The following UNKL variants were observed in gnomAD, a reference collection of about 807,000 sequenced individuals.
UNKL encodes the protein unk like zinc finger, also known as putative E3 ubiquitin-protein ligase UNKL.
In UNKL, 60 loss-of-function variants were observed where a neutral mutation model predicts 78.0. That is an observed-to-expected ratio of 0.77 (90% CI 0.63 to 0.95). The LOEUF (loss-of-function observed/expected upper bound fraction) is 0.95. UNKL is among the 40% of genes least tolerant of loss of function. The pLI is 0.00. For missense variants in UNKL, 1,159 were observed against 1,045.7 expected (o/e 1.11, Z -1.49); for synonymous variants, 608 against 474.8 (o/e 1.28, Z -3.65).
At position 1,405,866 on chromosome 16, in the gene UNKL, T is replaced by C. The variant is rs377324610; in HGVS notation, c.288-2522A>G. 4.5e-5 allele frequency: 20 copies of C among 445,542 alleles called. 3 individuals carry two copies. The highest frequency in any genetic ancestry group is 6.1e-5 in the African/African-American group (3 of 49,518). 27.6% of individuals were successfully genotyped at this position (445,542 alleles called of 1,614,324 possible). A position where few individuals can be genotyped will look rare whatever the true frequency, so the allele number is the denominator to read the frequency against. On this transcript the variant is annotated intron_variant, in intron 2 of 14. Coordinates refer to ENST00000389221, the MANE Select transcript of UNKL (RefSeq NM_001372107.1). ...CAGAGGATAGGAGGCAGCCAGATCCTGGAGTGCAAGAAGCTGCCCTTCCCT... is the reference window on the plus strand; with the variant it reads ...CAGAGGATAGGAGGCAGCCAGATCCCGGAGTGCAAGAAGCTGCCCTTCCCT...
chr16:1,381,407 G>A (rs775436007), intron 10 of UNKL, among the ~76,000 whole-genome samples: 2 of 152,154 alleles, frequency 1.3e-5, no homozygotes, highest in Non-Finnish European at 2.9e-5. Flanking sequence ...ATCACCTGAG[G>A]TCAGGAGTTT....
chr16:1,379,807 A>T (rs1302623596), intron 10 of UNKL: 16 of 690,116 alleles, frequency 2.3e-5, no homozygotes, highest in Non-Finnish European at 2.5e-5. Flanking sequence ...ACTCGGGCGC[A>T]CCCGGTCCCC....
chr16:1,386,552 CA>C (rs528186117), intron 9 of UNKL, among the ~76,000 whole-genome samples: 1 of 151,548 alleles, frequency 6.6e-6, no homozygotes, highest in African/African-American at 2.4e-5. Context: ...ACTCTGTTTC[CA>C]AAAAAAATGA....
At chr16:1,370,821 C>T (rs1048518480) in intron 11 of UNKL, among the ~76,000 whole-genome samples, 20 of 152,232 alleles carry the variant, frequency 1.3e-4, no homozygotes, top group African/African-American at 4.1e-4. Context: ...CACTGGCTCA[C>T]GCCTGTAATC....
At chr16:1,376,697 C>T in intron 10 of UNKL, among the ~76,000 whole-genome samples, 1 of 47,162 alleles carries the variant, frequency 2.1e-5, no homozygotes, top group East Asian at 1.8e-3. Flanking sequence ...CAGGGGGATA[C>T]ATTCCAAGAC....
At chr16:1,406,065 T>A (rs758138176) in intron 2 of UNKL, 3 of 456,708 alleles carry the variant, frequency 6.6e-6, no homozygotes, top group Non-Finnish European at 1.3e-5. Flanking sequence ...CCAGGGAACG[T>A]GCGAGAACCA....
At chr16:1,366,616 G>C (rs955411798) in intron 14 of UNKL, among the ~76,000 whole-genome samples, 1 of 152,184 alleles carries the variant, frequency 6.6e-6, no homozygotes, top group Non-Finnish European at 1.5e-5. Context: ...GCAGAGGACA[G>C]CCTCCTGGGG....
Position 1,367,873 on chromosome 16 carries a change from G to A in UNKL, c.1586-15C>T. The A allele has an allele frequency of 6.5e-7, 1 of 1,545,294 alleles. No homozygotes were observed. The highest frequency in any genetic ancestry group is 8.7e-7 in the Non-Finnish European group (1 of 1,144,042). On this transcript the variant is annotated splice_polypyrimidine_tract_variant and intron_variant, in intron 12 of 14. Transcript: ENST00000389221. ...ACCGTTCAAACCTGAGTGTGAAACG[G>A]TCGATGACGGCCCAGCCCTGCTGTG...
At chr16:1,412,248 A>G (rs2038073217) in intron 2 of UNKL, 1 of 152,282 alleles carries the variant, frequency 6.6e-6, no homozygotes, top group Non-Finnish European at 1.5e-5. Flanking sequence ...TGTTCATAAC[A>G]CTATTAGGAA....
chr16:1,401,842 T>C, intron 3 of UNKL, 141 bp from the exon 4 acceptor site: 3 of 1,192,724 alleles, frequency 2.5e-6, no homozygotes, highest in South Asian at 1.8e-5. Context: ...TCTCAGTGTG[T>C]GGCGCTCCGC....
chr16:1,371,437 CG>C, intron 11 of UNKL, 81 bp downstream of exon 11: 1 of 1,398,086 alleles, frequency 7.2e-7, no homozygotes, highest in Non-Finnish European at 9.7e-7. Context: ...TTGACCTCCC[CG>C]GGCTCAAGCG....
intron 5 of UNKL, among the ~76,000 whole-genome samples, chr16:1,397,547 G>A (rs1287027870): frequency 6.3e-5 from 2 of 31,650 alleles, no homozygotes; most frequent in African/African-American, 2.9e-4. Context: ...CGCTGGGGCA[G>A]GGCATGGACC....
intron 10 of UNKL, among the ~76,000 whole-genome samples, chr16:1,375,122 C>A (rs866284908): frequency 2.6e-5 from 4 of 152,034 alleles, no homozygotes; most frequent in African/African-American, 4.8e-5. Context: ...GGCGGTCACA[C>A]CCCCCGAGCC....
At chr16:1,383,807 C>A (rs966079613) in intron 10 of UNKL, 1 of 444,626 alleles carries the variant, frequency 2.2e-6, no homozygotes, top group African/African-American at 2.0e-5. Flanking sequence ...TGTGTCCAGG[C>A]AGGGACTGCA....
chr16:1,386,332 C>T (rs2036811351), intron 9 of UNKL, among the ~76,000 whole-genome samples: 1 of 152,096 alleles, frequency 6.6e-6, no homozygotes, highest in African/African-American at 2.4e-5. Flanking sequence ...GTGGGCAGAT[C>T]ACCTGAGATC....
At chr16:1,398,679 G>GCGCCCCCCCCC in intron 5 of UNKL, 2 of 1,356,284 alleles carry the variant, frequency 1.5e-6, no homozygotes, top group Non-Finnish European at 1.9e-6. Flanking sequence ...TGTGGGGTCT[G>GCGCCCCCCCCC]CACCCCCCCA....
rs2034988025 is a variant in UNKL, at chr16:1,363,398, T to A, written c.*2842A>T. 4.4e-5 allele frequency: 17 copies of A among 389,442 alleles called. 1 individual carries two copies. The highest frequency in any genetic ancestry group is 3.7e-4 in the South Asian group (17 of 45,724). The allele number at this position is 389,442 out of a possible 1,614,324, so 24.1% of individuals were successfully genotyped here. A position where few individuals can be genotyped will look rare whatever the true frequency, so the allele number is the denominator to read the frequency against. Reference sequence around the variant, plus strand: ...CATTCAAATAACATTCTCATGTAAATACTCAAACATACAGATTGAGGCTTC... The same window carrying A: ...CATTCAAATAACATTCTCATGTAAAAACTCAAACATACAGATTGAGGCTTC... On this transcript the variant is annotated 3_prime_UTR_variant, in exon 15 of 15. Transcript: ENST00000389221.
chr16:1,372,070 C>T (rs1460989060), intron 10 of UNKL, among the ~76,000 whole-genome samples: 1 of 147,296 alleles, frequency 6.8e-6, no homozygotes, highest in African/African-American at 2.5e-5. Flanking sequence ...TCCTGGCTAA[C>T]ACGGTGAAAC....
rs113303158 is a variant in UNKL at position 1,386,051 on chromosome 16, C to T, written c.1087-666G>A. 1.7e-3 allele frequency among the ~76,000 whole-genome samples: 262 copies of T among 152,328 alleles called. 3 individuals are homozygous for T. The highest frequency in any genetic ancestry group is 5.3e-3 in the African/African-American group (222 of 41,574). The stretch of plus-strand genomic sequence containing the variant: ...AGGGTGCTGCTCACAAGAAAACACC[C>T]GACACAAAAGACCCAGAGCCACCTA... On this transcript the variant is annotated intron_variant, in intron 9 of 14. Coordinates refer to ENST00000389221, the MANE Select transcript of UNKL (RefSeq NM_001372107.1).
Sources: gnomAD v4.1 joint callset for allele counts (sites outside exome capture counted in the v4.1 genomes callset) on GRCh38, gnomAD v4.1.1 for gene constraint, MANE v1.5 for transcripts, NCBI Gene and HGNC (gene_info 2026-07-23, HGNC 2026-07-21) for gene names.